The following KCNH8 variants were observed in gnomAD, a reference collection of about 807,000 sequenced individuals.
KCNH8 encodes voltage-gated delayed rectifier potassium channel KCNH8.
KCNH8 carries 70 observed loss-of-function variants against 103.6 expected under a neutral mutation model. The observed-to-expected ratio is 0.68, with a 90% CI of 0.56 to 0.82. KCNH8 has a LOEUF of 0.82. Ranked by LOEUF, KCNH8 falls within the 40% of genes least tolerant of loss-of-function variation. The probability of loss-of-function intolerance (pLI) is 0.00; values close to 1 mark genes in which losing one functional copy is unlikely to be tolerated. For synonymous variants in KCNH8, 498 were observed against 489.4 expected (o/e 1.02, Z -0.23); for missense variants, 1,217 against 1,329.9 (o/e 0.92, Z 1.32).
At chr3:19,155,428 C>T (rs1305350951) in intron 1 of KCNH8, among the ~76,000 whole-genome samples, 1 of 152,160 alleles carries the variant, frequency 6.6e-6, no homozygotes, top group Non-Finnish European at 1.5e-5. Context: ...CCATCAGTCC[C>T]TTCTACTCCC....
intron 11 of KCNH8, among the ~76,000 whole-genome samples, chr3:19,484,288 T>TA (rs1300688089): frequency 6.6e-6 from 1 of 152,204 alleles, no homozygotes; most frequent in African/African-American, 2.4e-5. Flanking sequence ...ATGCTCCTTT[T>TA]AAAGTTTCTA....
At chr3:19,363,739 T>A (rs1285430169) in intron 5 of KCNH8, among the ~76,000 whole-genome samples, 3 of 152,100 alleles carry the variant, frequency 2.0e-5, no homozygotes, top group African/African-American at 7.2e-5. Context: ...GGATGTCTTT[T>A]TCTATCAGGG....
At chr3:19,368,243 G>C (rs926171933) in intron 5 of KCNH8, among the ~76,000 whole-genome samples, 1 of 151,954 alleles carries the variant, frequency 6.6e-6, no homozygotes, top group African/African-American at 2.4e-5. Flanking sequence ...CAATGATTAG[G>C]GAAATTTGTC....
intron 7 of KCNH8, among the ~76,000 whole-genome samples, chr3:19,403,391 TATATATATAAAATC>T (rs1559311307): frequency 8.4e-5 from 8 of 95,734 alleles, no homozygotes; most frequent in South Asian, 3.3e-4. Flanking sequence ...TATATATATA[TATATATATAAAATC>T]CTTCTGTTTA....
chr3:19,386,433 A>G (rs990269394), intron 5 of KCNH8, among the ~76,000 whole-genome samples: 40 of 152,116 alleles, frequency 2.6e-4, no homozygotes, highest in Non-Finnish European at 4.4e-5. Context: ...GTAATTCTGT[A>G]TTAGCCTGCT....
At chr3:19,215,715 T>C (rs2063811828) in intron 1 of KCNH8, among the ~76,000 whole-genome samples, 1 of 152,190 alleles carries the variant, frequency 6.6e-6, no homozygotes, top group African/African-American at 2.4e-5. Flanking sequence ...ACTTTTTCTC[T>C]CCCTTTCTCA....
chr3:19,433,954 T>G (rs1190411584), intron 7 of KCNH8, among the ~76,000 whole-genome samples: 1 of 152,232 alleles, frequency 6.6e-6, no homozygotes, highest in Admixed American at 6.5e-5. Flanking sequence ...TTTCTTAAAT[T>G]AAAATGTGAA....
At chr3:19,526,677 T>C (rs1334061908) in intron 15 of KCNH8, among the ~76,000 whole-genome samples, 1 of 151,952 alleles carries the variant, frequency 6.6e-6, no homozygotes, top group African/African-American at 2.4e-5. Flanking sequence ...AGTAACACAA[T>C]GTTTTGAAAG....
At chr3:19,276,087 A>G (rs1020618425) in intron 2 of KCNH8, among the ~76,000 whole-genome samples, 7 of 152,208 alleles carry the variant, frequency 4.6e-5, no homozygotes, top group African/African-American at 1.7e-4. Context: ...TCTGCTGAAG[A>G]AATGAGTGTC....
At chr3:19,230,347 T>G (rs2063980060) in intron 1 of KCNH8, among the ~76,000 whole-genome samples, 1 of 152,220 alleles carries the variant, frequency 6.6e-6, no homozygotes, top group Non-Finnish European at 1.5e-5. Context: ...GATGACTTTC[T>G]TAATTTCCAA....
intron 5 of KCNH8, among the ~76,000 whole-genome samples, chr3:19,348,885 G>A (rs1161495599): frequency 1.4e-5 from 2 of 142,938 alleles, no homozygotes; most frequent in Non-Finnish European, 3.1e-5. Flanking sequence ...TTGGTTCAAT[G>A]GTGGTAGTAG....
rs534431324 is a variant in KCNH8, at chr3:19,208,560, C to T, written c.77-45094C>T. Among the ~76,000 whole-genome samples the T allele has an allele frequency of 1.2e-4, 18 of 151,930 alleles. No homozygotes were observed. In the South Asian group the frequency reaches 2.1e-3, roughly 17 times the overall value. On this transcript the variant is annotated intron_variant, in intron 1 of 15. Transcript: ENST00000328405. Reference sequence around the variant, plus strand: ...TATTAATCAAATACTATTAATACACCGCTGGCTACCATAAGGCATAAATAA... The same window carrying T: ...TATTAATCAAATACTATTAATACACTGCTGGCTACCATAAGGCATAAATAA...
rs796576053 is a variant in KCNH8, at chr3:19,338,783, G to T, written c.443-3804G>T. Among the ~76,000 whole-genome samples the T allele has an allele frequency of 3.3e-5, 5 of 151,926 alleles. 1 individual carries two copies. The highest frequency in any genetic ancestry group is 1.2e-4 in the African/African-American group (5 of 41,484). On this transcript the variant is annotated intron_variant, in intron 3 of 15. Transcript: ENST00000328405. Reference sequence around the variant, plus strand: ...CTGTGATCTTTCATTTTTTGCTTTTGTACTCAATATTATGTTTTTGAGATA... The same window carrying T: ...CTGTGATCTTTCATTTTTTGCTTTTTTACTCAATATTATGTTTTTGAGATA...
intron 1 of KCNH8, among the ~76,000 whole-genome samples, chr3:19,244,820 TTTTG>T (rs1276781596): frequency 5.9e-5 from 9 of 152,166 alleles, no homozygotes; most frequent in Admixed American, 3.9e-4. Context: ...TAGGGTTTTT[TTTTG>T]TTTGTTGGTT....
intron 1 of KCNH8, among the ~76,000 whole-genome samples, chr3:19,170,807 T>C (rs1315199612): frequency 9.8e-6 from 1 of 102,280 alleles, no homozygotes; most frequent in Non-Finnish European, 1.8e-5. Flanking sequence ...TATATATATA[T>C]ATATTTTTTT....
At chr3:19,331,733 G>A (rs1296629118) in intron 3 of KCNH8, among the ~76,000 whole-genome samples, 1 of 152,042 alleles carries the variant, frequency 6.6e-6, no homozygotes, top group African/African-American at 2.4e-5. Context: ...TCATTTCTTT[G>A]TGTTACAAAC....
At chr3:19,508,374 G>A (rs1281897398) in intron 11 of KCNH8, among the ~76,000 whole-genome samples, 1 of 152,118 alleles carries the variant, frequency 6.6e-6, no homozygotes, top group African/African-American at 2.4e-5. Context: ...ATATAGTATT[G>A]CATTTAACCT....
intron 4 of KCNH8, among the ~76,000 whole-genome samples, chr3:19,344,461 A>G (rs1341392856): frequency 6.6e-6 from 1 of 152,122 alleles, no homozygotes; most frequent in African/African-American, 2.4e-5. Context: ...CTTAATTGCC[A>G]TTCATTTAAG....
chr3:19,481,318 A>C (rs2068082570), intron 11 of KCNH8, among the ~76,000 whole-genome samples: 1 of 152,104 alleles, frequency 6.6e-6, no homozygotes, highest in African/African-American at 2.4e-5. Flanking sequence ...CAAAGGCTTC[A>C]TTGCAATGAG....
Sources: gnomAD v4.1 joint callset for allele counts (sites outside exome capture counted in the v4.1 genomes callset) on GRCh38, gnomAD v4.1.1 for gene constraint, MANE v1.5 for transcripts, NCBI Gene and HGNC (gene_info 2026-07-23, HGNC 2026-07-21) for gene names.